Variants in USP24 observed in about 807,000 individuals in gnomAD.
USP24 encodes ubiquitin carboxyl-terminal hydrolase 24.
Under a neutral mutation model 361.6 loss-of-function variants are expected in USP24, and 97 were observed. That is an observed-to-expected ratio of 0.27 (90% CI 0.23 to 0.32). The LOEUF is 0.32. USP24 is among the 10% of genes least tolerant of loss of function. The probability of loss-of-function intolerance (pLI) is 1.00; values close to 1 mark genes in which losing one functional copy is unlikely to be tolerated. For synonymous variants in USP24, 1,098 were observed against 1,124.6 expected, an observed-to-expected ratio of 0.98 and a Z score of 0.47; for missense variants, 2,353 against 3,165.6, an observed-to-expected ratio of 0.74 and a Z score of 6.16.
chr1:55,154,490 A>G (rs1427280881), intron 13 of USP24, 24 bp from the exon 14 acceptor site: 1 of 1,545,140 alleles, frequency 6.5e-7, no homozygotes, highest in East Asian at 2.4e-5. Context: ...AAGACACAGG[A>G]ATTGCTTCAC....
rs929047047 is a variant in USP24, at chr1:55,151,452, T to C, written c.1860+2418A>G. Among the ~76,000 whole-genome samples, 7 of 152,202 alleles carry C rather than the reference T, an allele frequency of 4.6e-5. No homozygotes were observed. In the South Asian group the frequency reaches 1.2e-3, roughly 27 times the overall value. ...AGCTATGGCTATGTAAGGCTTTTGG[T>C]GTCCTCATAGGGTGAAGGGGAGGAA... On this transcript the variant is annotated intron_variant, in intron 16 of 67. Coordinates refer to ENST00000294383, the MANE Select transcript of USP24 (RefSeq NM_015306.3).
chr1:55,214,606 C>A (rs78802796), intron 1 of USP24, among the ~76,000 whole-genome samples, 184 bp downstream of exon 1: 1,784 of 152,168 alleles, frequency 0.012, 29 homozygotes, highest in African/African-American at 0.041. Flanking sequence ...CCCCACTTAC[C>A]CCCAATCAAG....
intron 1 of USP24, among the ~76,000 whole-genome samples, chr1:55,195,196 C>T (rs577884653): frequency 6.6e-6 from 1 of 152,270 alleles, no homozygotes; most frequent in East Asian, 1.9e-4. Context: ...GATCACAATC[C>T]ATCACAATAT....
intron 1 of USP24, among the ~76,000 whole-genome samples, chr1:55,190,007 A>G (rs1557689463): frequency 6.6e-6 from 1 of 151,964 alleles, no homozygotes; most frequent in East Asian, 1.9e-4. Flanking sequence ...TCTACTAAAA[A>G]TACAAAAATT....
chr1:55,139,538 T>C (rs1048052081), intron 24 of USP24, among the ~76,000 whole-genome samples: 4 of 152,198 alleles, frequency 2.6e-5, no homozygotes, highest in African/African-American at 9.6e-5. Flanking sequence ...TACTTATCAT[T>C]TGAAATAATC....
chr1:55,184,335 G>C (rs980496764), intron 1 of USP24, among the ~76,000 whole-genome samples: 1 of 152,114 alleles, frequency 6.6e-6, no homozygotes, highest in Admixed American at 6.5e-5. Context: ...GGAATTATAG[G>C]CACGAGCCAC....
intron 38 of USP24, among the ~76,000 whole-genome samples, chr1:55,112,537 T>TAGTC: frequency 6.6e-6 from 1 of 152,210 alleles, no homozygotes; most frequent in Non-Finnish European, 1.5e-5. Flanking sequence ...ATTTACCCAG[T>TAGTC]AGTCATTCAG....
At chr1:55,205,097 G>T (rs1387719703) in intron 1 of USP24, among the ~76,000 whole-genome samples, 2 of 152,130 alleles carry the variant, frequency 1.3e-5, no homozygotes, top group Non-Finnish European at 2.9e-5. Context: ...ACTGCTACAG[G>T]TCACAGGAAC....
chr1:55,066,392 A>C lies in USP24; in HGVS notation c.*2653T>G, dbSNP rs1446143317. 1 of 152,182 alleles carries C rather than the reference A, an allele frequency of 6.6e-6. No homozygotes were observed. The highest frequency in any genetic ancestry group is 2.4e-5 in the African/African-American group (1 of 41,432). The allele number at this position is 152,182 out of a possible 1,614,324, so 9.4% of individuals were successfully genotyped here. A position where few individuals can be genotyped will look rare whatever the true frequency, so the allele number is the denominator to read the frequency against. ...TGAAAAATTTATTTTATACTCTTAGAAGCTAAGAACTTTGCCACACATGAA... is the reference window on the plus strand; with the variant it reads ...TGAAAAATTTATTTTATACTCTTAGCAGCTAAGAACTTTGCCACACATGAA... On this transcript the variant is annotated 3_prime_UTR_variant, in exon 68 of 68. Transcript: ENST00000294383.
intron 38 of USP24, among the ~76,000 whole-genome samples, chr1:55,115,495 CAAA>C (rs1165658382): frequency 2.0e-3 from 90 of 45,842 alleles, no homozygotes; most frequent in Non-Finnish European, 2.6e-3. Context: ...GACTCCGCCT[CAAA>C]AAAAAAAAAA....
intron 4 of USP24, among the ~76,000 whole-genome samples, 162 bp from the exon 5 acceptor site, chr1:55,171,840 G>A (rs1468742423): frequency 6.6e-6 from 1 of 152,188 alleles, no homozygotes; most frequent in East Asian, 1.9e-4. Flanking sequence ...AAAGTGCTAA[G>A]AATTAATGTG....
rs953628364 is a variant in USP24 at position 55,162,276 on chromosome 1, C to G, written c.928-12G>C. On this transcript the variant is annotated splice_polypyrimidine_tract_variant and intron_variant, in intron 7 of 67. Coordinates refer to ENST00000294383, the MANE Select transcript of USP24 (RefSeq NM_015306.3). ...AGTGCTGAGACAGCCTGGAAAAAGA[C>G]AGTGAAGATTAAAAATACATTTGAG... is the stretch of plus-strand genomic sequence containing the variant. The G allele has an allele frequency of 1.3e-6, 2 of 1,544,480 alleles. No homozygotes were observed. Among genetic ancestry groups the G allele is most frequent in the East Asian group, 2.4e-5 (1 of 41,896 alleles).
chr1:55,147,926 G>T, intron 17 of USP24, 128 bp from the exon 18 acceptor site: 1 of 941,072 alleles, frequency 1.1e-6, no homozygotes, highest in Non-Finnish European at 1.5e-6. Flanking sequence ...TTCCTCATTC[G>T]TATTTCCTAC....
At chr1:55,116,481 G>C (rs1450763422) in intron 38 of USP24, among the ~76,000 whole-genome samples, 1 of 151,852 alleles carries the variant, frequency 6.6e-6, no homozygotes, top group Non-Finnish European at 1.5e-5. Flanking sequence ...AATGAAAGTG[G>C]GTACATAACT....
chr1:55,107,138 T>C, intron 40 of USP24, 101 bp downstream of exon 40: 3 of 1,392,096 alleles, frequency 2.2e-6, no homozygotes, highest in Non-Finnish European at 1.9e-6. Context: ...CAATTTTCCA[T>C]GGAACACTTG....
intron 1 of USP24, among the ~76,000 whole-genome samples, chr1:55,203,231 G>C (rs1186105495): frequency 1.3e-5 from 2 of 152,230 alleles, no homozygotes; most frequent in Non-Finnish European, 2.9e-5. Context: ...TGATTAAATA[G>C]AGAAAGTTTA....
chr1:55,206,657 T>TAAAAAAAAAAA (rs34127046), intron 1 of USP24, among the ~76,000 whole-genome samples: 1 of 130,496 alleles, frequency 7.7e-6, no homozygotes. Context: ...AGAAAAACAG[T>TAAAAAAAAAAA]AAAAAAAAAA....
chr1:55,172,081 C>T (rs564766824), intron 4 of USP24, among the ~76,000 whole-genome samples: 1 of 152,218 alleles, frequency 6.6e-6, no homozygotes, highest in East Asian at 1.9e-4. Context: ...AACCAAACTC[C>T]ATCTACATGA....
At chr1:55,096,744 G>GA in intron 49 of USP24, 122 bp from the exon 50 acceptor site, 1 of 1,421,970 alleles carries the variant, frequency 7.0e-7, no homozygotes, top group Admixed American at 2.3e-5. Flanking sequence ...AAATATCTAA[G>GA]AAATATGTAG....
Sources: allele counts gnomAD v4.1 joint callset (sites outside exome capture counted in the v4.1 genomes callset), GRCh38; gene constraint gnomAD v4.1.1; transcripts MANE v1.5; gene names NCBI Gene and HGNC (gene_info 2026-07-23, HGNC 2026-07-21).